The following CCDC171 variants were observed in gnomAD, a reference collection of about 807,000 sequenced individuals.
CCDC171 encodes the protein coiled-coil domain-containing protein 171.
Under a neutral mutation model 168.2 loss-of-function variants are expected in CCDC171, and 177 were observed. The ratio of observed to expected loss-of-function variants is 1.05; its 90% CI spans 0.93 to 1.19. The LOEUF (loss-of-function observed/expected upper bound fraction) is 1.19. CCDC171 is among the 50% of genes most tolerant of loss of function. CCDC171 has a pLI of 0.00. For synonymous variants in CCDC171, 687 were observed against 540.8 expected, an observed-to-expected ratio of 1.27 and a Z score of -3.75; for missense variants, 1,991 against 1,539.0, an observed-to-expected ratio of 1.29 and a Z score of -4.91.
intron 3 of CCDC171, among the ~76,000 whole-genome samples, 185 bp from the exon 4 acceptor site, chr9:15,578,659 CTAAAA>C (rs1427823443): frequency 2.0e-5 from 3 of 151,016 alleles, no homozygotes; most frequent in African/African-American, 7.3e-5. Context: ...AGTGGATTCT[CTAAAA>C]TAAAAAACAT....
At chr9:16,024,538 C>T (rs1264935432) in intron 6 of CCDC171, among the ~76,000 whole-genome samples, 1 of 152,210 alleles carries the variant, frequency 6.6e-6, no homozygotes, top group Non-Finnish European at 1.5e-5. Context: ...CTCAGACCAC[C>T]AGAAGCCAGA....
chr9:15,813,939 T>G (rs7857601), intron 21 of CCDC171, among the ~76,000 whole-genome samples: 71,549 of 151,938 alleles, frequency 0.47, 17,070 homozygotes, highest in African/African-American at 0.54. Context: ...TAAGGTGAAA[T>G]AAGAAGAGGT....
chr9:15,580,868 C>G (rs1205077337), intron 4 of CCDC171, among the ~76,000 whole-genome samples: 1 of 152,098 alleles, frequency 6.6e-6, no homozygotes, highest in East Asian at 1.9e-4. Context: ...TGAAAACCGG[C>G]ACAAGACAAG....
chr9:15,814,754 T>C (rs7468344), intron 21 of CCDC171, among the ~76,000 whole-genome samples: 65,270 of 151,596 alleles, frequency 0.43, 14,194 homozygotes, highest in Non-Finnish European at 0.46. Flanking sequence ...TTTGTAAAAT[T>C]ACAGATCTAC....
chr9:15,646,967 T>C (rs1477883521), intron 7 of CCDC171, among the ~76,000 whole-genome samples: 3 of 152,090 alleles, frequency 2.0e-5, no homozygotes, highest in Non-Finnish European at 2.9e-5. Flanking sequence ...AGCACCACAT[T>C]GCACTTATTC....
rs774813825 is a variant in CCDC171 at position 15,744,756 on chromosome 9, C to G, written c.2533C>G (p.Gln845Glu). 3 of 1,607,122 alleles carry G rather than the reference C, an allele frequency of 1.9e-6. No individual in the cohort carries two copies. The Admixed American group carries it at 5.1e-5, about 27-fold the overall frequency. The change falls in exon 17 of 26, where the codon CAA (glutamine) becomes GAA (glutamate). Residue 845 changes from glutamine (Q) to glutamate (E), a missense_variant. By Grantham distance (29) the Gln-to-Glu change is conservative (BLOSUM62 2). Coordinates refer to ENST00000380701, the MANE Select transcript of CCDC171 (RefSeq NM_173550.4). ...IGMLVCTGEP[Q>E]DKHKFPKHQK... Reference sequence around the variant, plus strand: ...CATGTTAGTGTGCACAGGAGAGCCCCAAGACAAGCATAAATTTCCAAGTAA... The same window carrying G: ...CATGTTAGTGTGCACAGGAGAGCCCGAAGACAAGCATAAATTTCCAAGTAA...
intron 6 of CCDC171, chr9:16,035,408 GC>G (rs1215401091): frequency 6.6e-6 from 1 of 152,062 alleles, no homozygotes; most frequent in Non-Finnish European, 1.5e-5. Flanking sequence ...TGTGGGGTGT[GC>G]TTTCTCTTAA....
intron 24 of CCDC171, among the ~76,000 whole-genome samples, chr9:15,911,167 G>C (rs1279976465): frequency 1.3e-5 from 2 of 152,192 alleles, no homozygotes; most frequent in African/African-American, 4.8e-5. Context: ...CACCAATGGT[G>C]TAAAAGTGTT....
chr9:15,862,822 TTG>T (rs1375449321), intron 23 of CCDC171, among the ~76,000 whole-genome samples: 1 of 151,972 alleles, frequency 6.6e-6, no homozygotes, highest in Non-Finnish European at 1.5e-5. Context: ...CATCAGTACT[TTG>T]TAGTATGCCT....
intron 23 of CCDC171, among the ~76,000 whole-genome samples, chr9:15,863,195 A>T (rs1195667909): frequency 1.3e-5 from 2 of 152,008 alleles, no homozygotes; most frequent in Non-Finnish European, 2.9e-5. Flanking sequence ...CCCTTCTCAT[A>T]AAAAGTTGGG....
At chr9:15,592,376 A>G (rs2042066267) in intron 5 of CCDC171, among the ~76,000 whole-genome samples, 1 of 152,116 alleles carries the variant, frequency 6.6e-6, no homozygotes, top group Admixed American at 6.5e-5. Flanking sequence ...AAAGAAAAAA[A>G]AACGGTGATA....
chr9:15,807,811 C>G (rs977242642), intron 21 of CCDC171, among the ~76,000 whole-genome samples: 2 of 151,196 alleles, frequency 1.3e-5, no homozygotes, highest in African/African-American at 4.9e-5. Context: ...GGTATCTGAT[C>G]TCTGTCTTCT....
intron 4 of CCDC171, among the ~76,000 whole-genome samples, chr9:15,586,334 G>C (rs77583221): frequency 6.6e-6 from 1 of 152,216 alleles, no homozygotes; most frequent in East Asian, 1.9e-4. Flanking sequence ...GAAATGTTGA[G>C]GGTAGTGTAA....
intron 4 of CCDC171, among the ~76,000 whole-genome samples, chr9:15,587,964 C>T (rs748733909): frequency 1.3e-5 from 2 of 152,052 alleles, no homozygotes; most frequent in African/African-American, 2.4e-5. Flanking sequence ...AGGCCAGGCG[C>T]GGTGGCTCAC....
At chr9:15,614,562 C>T (rs1351819792) in intron 6 of CCDC171, among the ~76,000 whole-genome samples, 1 of 152,086 alleles carries the variant, frequency 6.6e-6, no homozygotes. Flanking sequence ...GTTGCTTTTA[C>T]GAAGGAAAGG....
the CCDC171 span, among the ~76,000 whole-genome samples, chr9:16,098,782 T>A: frequency 6.6e-6 from 1 of 152,238 alleles, no homozygotes; most frequent in Non-Finnish European, 1.5e-5. Flanking sequence ...CTATGGAATA[T>A]TCCCCCTTTG....
chr9:15,696,865 A>G (rs1564231399), intron 11 of CCDC171, among the ~76,000 whole-genome samples: 1 of 152,152 alleles, frequency 6.6e-6, no homozygotes, highest in African/African-American at 2.4e-5. Flanking sequence ...TTTTCTGTAT[A>G]GATGCATACT....
intron 21 of CCDC171, among the ~76,000 whole-genome samples, chr9:15,842,310 C>T (rs1043546476): frequency 3.3e-5 from 5 of 152,006 alleles, no homozygotes; most frequent in African/African-American, 1.2e-4. Context: ...ATACTGTACC[C>T]TTATGAGAAA....
chr9:15,646,721 C>G (rs1200627612), intron 7 of CCDC171, among the ~76,000 whole-genome samples: 1 of 152,142 alleles, frequency 6.6e-6, no homozygotes, highest in African/African-American at 2.4e-5. Context: ...TATATATGCA[C>G]CCAATACAGG....
Sources: gnomAD v4.1 joint callset for allele counts (sites outside exome capture counted in the v4.1 genomes callset) on GRCh38, gnomAD v4.1.1 for gene constraint, MANE v1.5 for transcripts, NCBI Gene and HGNC (gene_info 2026-07-23, HGNC 2026-07-21) for gene names.